The following TSPAN12 variants were observed in gnomAD, a reference collection of about 807,000 sequenced individuals.
TSPAN12 encodes the protein tetraspanin 12, also known as tetraspanin-12.
TSPAN12 carries 19 observed loss-of-function variants against 39.2 expected under a neutral mutation model. The ratio of observed to expected loss-of-function variants is 0.49; its 90% CI spans 0.34 to 0.71. The LOEUF (loss-of-function observed/expected upper bound fraction) is 0.71, where lower values mean the gene tolerates loss of function less well. Ranked by LOEUF, TSPAN12 falls within the 30% of genes least tolerant of loss-of-function variation. The pLI, the probability that TSPAN12 is intolerant of heterozygous loss-of-function variation, is 0.01. For synonymous variants in TSPAN12, 119 were observed against 124.8 expected (o/e 0.95, Z 0.31); for missense variants, 314 against 359.9 (o/e 0.87, Z 1.03).
chr7:120,843,895 A>T (rs1584951305), intron 2 of TSPAN12, among the ~76,000 whole-genome samples: 1 of 152,278 alleles, frequency 6.6e-6, no homozygotes, highest in Non-Finnish European at 1.5e-5. Context: ...GGGACAGAAA[A>T]GTCTATTAAT....
At chr7:120,819,828 C>G (rs1794154735) in intron 4 of TSPAN12, among the ~76,000 whole-genome samples, 1 of 152,098 alleles carries the variant, frequency 6.6e-6, no homozygotes, top group Non-Finnish European at 1.5e-5. Context: ...CATTCTCATA[C>G]TGATTATTGC....
At chr7:120,813,367 T>C (rs1794019090) in intron 5 of TSPAN12, among the ~76,000 whole-genome samples, 1 of 152,220 alleles carries the variant, frequency 6.6e-6, no homozygotes, top group South Asian at 2.1e-4. Flanking sequence ...TCAACTGGAA[T>C]GGCAGTGGGC....
intron 7 of TSPAN12, among the ~76,000 whole-genome samples, chr7:120,805,573 G>A (rs1263146622): frequency 6.6e-6 from 1 of 152,106 alleles, no homozygotes; most frequent in Admixed American, 6.6e-5. Flanking sequence ...GACAAGAGGT[G>A]TATGTGGGGA....
chr7:120,854,520 C>T (rs1259825674), intron 2 of TSPAN12, among the ~76,000 whole-genome samples: 1 of 152,280 alleles, frequency 6.6e-6, no homozygotes, highest in East Asian at 1.9e-4. Context: ...ACTATGATTC[C>T]TATTTTACAG....
chr7:120,826,300 A>G (rs902413901), intron 4 of TSPAN12, among the ~76,000 whole-genome samples: 12 of 152,320 alleles, frequency 7.9e-5, no homozygotes, highest in Non-Finnish European at 1.6e-4. Flanking sequence ...GCAGAAGGCT[A>G]CAAGTTCCCA....
chr7:120,816,296 G>A (rs534397185), intron 4 of TSPAN12, among the ~76,000 whole-genome samples: 7 of 151,630 alleles, frequency 4.6e-5, no homozygotes, highest in Non-Finnish European at 1.0e-4. Flanking sequence ...TCTATAGTAA[G>A]TTTCTATTAT....
intron 2 of TSPAN12, among the ~76,000 whole-genome samples, chr7:120,851,709 G>C (rs1794772618): frequency 6.6e-6 from 1 of 152,110 alleles, no homozygotes; most frequent in African/African-American, 2.4e-5. Flanking sequence ...AAATTTGAAG[G>C]AAAGGTAACC....
chr7:120,831,961 A>G (rs1337275445), intron 4 of TSPAN12, among the ~76,000 whole-genome samples: 2 of 152,026 alleles, frequency 1.3e-5, no homozygotes, highest in Non-Finnish European at 2.9e-5. Context: ...TTACAAATAA[A>G]AAATTTTAAA....
At chr7:120,801,061 C>T (rs1309454552) in intron 7 of TSPAN12, among the ~76,000 whole-genome samples, 3 of 152,168 alleles carry the variant, frequency 2.0e-5, no homozygotes, top group African/African-American at 7.2e-5. Context: ...GTTGGGAATA[C>T]AGGCGTGAAT....
intron 4 of TSPAN12, among the ~76,000 whole-genome samples, chr7:120,836,018 A>G (rs1562950015): frequency 6.6e-6 from 1 of 152,220 alleles, no homozygotes; most frequent in Non-Finnish European, 1.5e-5. Flanking sequence ...GTGTTGGTAC[A>G]TACTTCATTA....
chr7:120,799,804 T>A (rs993912062), intron 7 of TSPAN12, among the ~76,000 whole-genome samples: 4 of 136,662 alleles, frequency 2.9e-5, no homozygotes, highest in Non-Finnish European at 6.2e-5. Flanking sequence ...ATATTAAATA[T>A]TTATTATATT....
chr7:120,845,604 A>G (rs1794655939), intron 2 of TSPAN12, among the ~76,000 whole-genome samples: 1 of 152,206 alleles, frequency 6.6e-6, no homozygotes, highest in South Asian at 2.1e-4. Flanking sequence ...TTCCACAGAT[A>G]CCTAAAGCAG....
intron 7 of TSPAN12, among the ~76,000 whole-genome samples, chr7:120,792,485 A>G (rs1793547850): frequency 1.5e-5 from 2 of 131,206 alleles, no homozygotes; most frequent in African/African-American, 2.9e-5. Flanking sequence ...CGAAAGTTAC[A>G]CACATGAATA....
chr7:120,844,028 C>G lies in TSPAN12; in HGVS notation c.67-3919G>C, dbSNP rs139125566. Among the ~76,000 whole-genome samples the G allele has an allele frequency of 2.3e-3, 348 of 152,220 alleles. 8 individuals are homozygous for G. The East Asian group carries it at 0.043, about 19-fold the overall frequency. Reference sequence around the variant, plus strand: ...ACAGGAAACATGGCTGGGGAGGCCTCAGGAAACTTTCAATCATGGTGGGAG... The same window carrying G: ...ACAGGAAACATGGCTGGGGAGGCCTGAGGAAACTTTCAATCATGGTGGGAG... On this transcript the variant is annotated intron_variant, in intron 2 of 7. Transcript: ENST00000222747.
rs1794551711 is a variant in TSPAN12 at position 120,840,204 on chromosome 7, A to G, written c.67-95T>C. On this transcript the variant is annotated intron_variant, in intron 2 of 7. Transcript: ENST00000222747. ...AAAATTAAGGATTTTGTTACATAAT[A>G]TCTTTCCCAATTACCATTTGCTGCA... 4.3e-6 allele frequency: 4 copies of G among 932,488 alleles called. No individual in the cohort carries two copies. The Admixed American group carries it at 7.1e-5, about 17-fold the overall frequency. The allele number at this position is 932,488 out of a possible 1,614,324, so 57.8% of individuals were successfully genotyped here. A position where few individuals can be genotyped will look rare whatever the true frequency, so the allele number is the denominator to read the frequency against.
chr7:120,845,402 T>A (rs1441995934), intron 2 of TSPAN12, among the ~76,000 whole-genome samples: 1 of 152,250 alleles, frequency 6.6e-6, no homozygotes, highest in Non-Finnish European at 1.5e-5. Context: ...TTCTACCACA[T>A]GGTCAAGCTG....
chr7:120,823,840 T>G (rs992493371), intron 4 of TSPAN12, among the ~76,000 whole-genome samples: 4 of 152,242 alleles, frequency 2.6e-5, no homozygotes, highest in Non-Finnish European at 4.4e-5. Context: ...CTCTAAATTA[T>G]GTGCTTGGAG....
intron 7 of TSPAN12, among the ~76,000 whole-genome samples, chr7:120,799,136 C>T (rs1368087918): frequency 6.6e-6 from 1 of 152,038 alleles, no homozygotes; most frequent in African/African-American, 2.4e-5. Flanking sequence ...CTTCTCACTC[C>T]CTGCCTTAGC....
chr7:120,805,606 A>T (rs529096188), intron 7 of TSPAN12, among the ~76,000 whole-genome samples: 1 of 152,220 alleles, frequency 6.6e-6, no homozygotes, highest in South Asian at 2.1e-4. Flanking sequence ...CCTTAGCCTA[A>T]GCAGTTTCCT....
Sources: gnomAD v4.1 joint callset for allele counts (sites outside exome capture counted in the v4.1 genomes callset) on GRCh38, gnomAD v4.1.1 for gene constraint, MANE v1.5 for transcripts, NCBI Gene and HGNC (gene_info 2026-07-23, HGNC 2026-07-21) for gene names.